The following MBTPS2 variants were observed in gnomAD, a reference collection of about 807,000 sequenced individuals.
MBTPS2 encodes the protein membrane bound transcription factor peptidase, site 2, also known as membrane-bound transcription factor site-2 protease.
In MBTPS2, 2 loss-of-function variants were observed where a neutral mutation model predicts 35.4. The observed-to-expected ratio is 0.06, with a 90% CI of 0.02 to 0.18. MBTPS2 has a LOEUF of 0.18. Among genes scored for constraint, MBTPS2 ranks in the 10% least tolerant of loss-of-function variants. MBTPS2 has a pLI of 1.00. For synonymous variants in MBTPS2, 125 were observed against 140.4 expected (o/e 0.89, Z 0.77); for missense variants, 244 against 386.5 (o/e 0.63, Z 3.09).
chrX:21,880,983 T>G lies in MBTPS2; in HGVS notation c.1337+11T>G. The G allele has an allele frequency of 8.7e-7, 1 of 1,155,909 alleles. No individual in the cohort carries two copies. Among genetic ancestry groups the G allele is most frequent in the East Asian group, 3.0e-5 (1 of 33,621 alleles). On this transcript the variant is annotated intron_variant, in intron 10 of 10. Transcript: ENST00000379484. ...GGAGACATTTGTCAAGTATCCTTTCTGGTGTGAAACATGTTTTAAAAGTGT... is the reference window on the plus strand; with the variant it reads ...GGAGACATTTGTCAAGTATCCTTTCGGGTGTGAAACATGTTTTAAAAGTGT...
At chrX:21,860,091 CAA>C (rs536679485) in intron 5 of MBTPS2, among the ~76,000 whole-genome samples, 296 of 62,970 alleles carry the variant, frequency 4.7e-3, no homozygotes, top group African/African-American at 0.015. Context: ...GACCTTGTGT[CAA>C]AAAAAAAAAA....
In MBTPS2 at chrX:21,845,354, G is replaced by A. The variant is rs148895141; in HGVS notation, c.408G>A (p.Ser136=). The part of the protein sequence containing the change: ...SSSSSSSSSS[S]LHNEQVLQVV... ...CTTCTTCATCTTCTTCCTCTTCCTCGCTTCACAATGAACAGGTGTTACAAG... is the reference window on the plus strand; with the variant it reads ...CTTCTTCATCTTCTTCCTCTTCCTCACTTCACAATGAACAGGTGTTACAAG... The change falls in exon 3 of 11, where the codon TCG becomes TCA. Residue 136 remains serine (S), a synonymous_variant. Transcript: ENST00000379484. 3.9e-4 allele frequency: 468 copies of A among 1,200,023 alleles called. 1 individual carries two copies. The highest frequency in any genetic ancestry group is 5.1e-4 in the Admixed American group (23 of 44,921).
intron 3 of MBTPS2, among the ~76,000 whole-genome samples, chrX:21,850,801 T>C (rs914871519): frequency 5.2e-4 from 58 of 112,025 alleles, no homozygotes; most frequent in African/African-American, 1.8e-3. Context: ...CTTCATATGT[T>C]TGTAACATGT....
At chrX:21,849,764 C>G (rs1421503472) in intron 3 of MBTPS2, among the ~76,000 whole-genome samples, 1 of 107,218 alleles carries the variant, frequency 9.3e-6, no homozygotes, top group Non-Finnish European at 1.9e-5. Context: ...CAGTGGCTCA[C>G]GCTTGTAATC....
intron 4 of MBTPS2, among the ~76,000 whole-genome samples, chrX:21,852,909 G>C (rs755398723): frequency 9.1e-6 from 1 of 109,925 alleles, no homozygotes; most frequent in East Asian, 2.8e-4. Flanking sequence ...AGCTTGATAG[G>C]AATACACCTA....
At chrX:21,862,965 TATAA>T (rs2092934681) in intron 5 of MBTPS2, among the ~76,000 whole-genome samples, 1 of 55,824 alleles carries the variant, frequency 1.8e-5, no homozygotes, top group African/African-American at 7.4e-5. Context: ...TATATATATA[TATAA>T]AACCGACTGG....
At chrX:21,845,716 T>C (rs982502088) in intron 3 of MBTPS2, among the ~76,000 whole-genome samples, 3 of 112,555 alleles carry the variant, frequency 2.7e-5, no homozygotes, top group Non-Finnish European at 5.6e-5. Flanking sequence ...ATCTCTATAA[T>C]GTATAAGTAA....
At chrX:21,853,563 T>C in intron 5 of MBTPS2, 60 bp downstream of exon 5, 1 of 1,091,555 alleles carries the variant, frequency 9.2e-7, no homozygotes, top group South Asian at 1.9e-5. Context: ...TTTTCTATGG[T>C]TAGTGCTTTT....
chrX:21,865,713 T>C (rs2092938802), intron 5 of MBTPS2, among the ~76,000 whole-genome samples: 1 of 112,602 alleles, frequency 8.9e-6, no homozygotes, highest in Admixed American at 9.4e-5. Flanking sequence ...TCAAGGAATA[T>C]TGAGTTGTTA....
chrX:21,856,168 C>T, intron 5 of MBTPS2: 1 of 276,127 alleles, frequency 3.6e-6, no homozygotes, highest in Non-Finnish European at 6.4e-6. Flanking sequence ...GGCAAACGTA[C>T]GCGGGCACGT....
At chrX:21,870,839 T>G (rs778624008) in intron 7 of MBTPS2, 1 of 70,840 alleles carries the variant, frequency 1.4e-5, no homozygotes, top group East Asian at 4.3e-4. Context: ...AGCTTCCCAA[T>G]TCTTTATACA....
At chrX:21,865,835 A>G (rs1309067942) in intron 5 of MBTPS2, among the ~76,000 whole-genome samples, 1 of 112,528 alleles carries the variant, frequency 8.9e-6, no homozygotes, top group African/African-American at 3.2e-5. Context: ...AAGCATAAGT[A>G]GGGCTTGATT....
intron 5 of MBTPS2, among the ~76,000 whole-genome samples, chrX:21,859,233 ATAAG>A (rs2147440301): frequency 9.1e-6 from 1 of 110,323 alleles, no homozygotes; most frequent in East Asian, 2.8e-4. Flanking sequence ...AATATGCTTA[ATAAG>A]TCTATGTATG....
chrX:21,869,893 A>G, intron 7 of MBTPS2: 2 of 379,352 alleles, frequency 5.3e-6, no homozygotes, highest in Admixed American at 8.9e-5. Context: ...AACTATTTTC[A>G]TTATATCATA....
At chrX:21,882,091 A>G (rs1382440093) in intron 10 of MBTPS2, among the ~76,000 whole-genome samples, 1 of 112,101 alleles carries the variant, frequency 8.9e-6, no homozygotes, top group Non-Finnish European at 1.9e-5. Flanking sequence ...TAAGGCCCAA[A>G]GAGTAATTTT....
chrX:21,851,598 G>A lies in MBTPS2; in HGVS notation c.528G>A (p.Gly176=). The A allele has an allele frequency of 8.5e-7, 1 of 1,177,351 alleles. No homozygotes were observed. The highest frequency in any genetic ancestry group is 1.2e-6 in the Non-Finnish European group (1 of 864,399). ...ISGVVHEIGH[G]IAAIREQVRF... ...GTGTTGTACATGAAATTGGACATGG[G>A]ATAGCAGCTATTAGGTAATGATATT... is the stretch of plus-strand genomic sequence containing the variant. The change falls in exon 4 of 11, where the codon GGG becomes GGA. Residue 176 remains glycine, a synonymous_variant. Coordinates refer to ENST00000379484, the MANE Select transcript of MBTPS2 (RefSeq NM_015884.4).
chrX:21,839,692 G>C lies in MBTPS2; in HGVS notation c.-43G>C, dbSNP rs1393218291. Reference sequence around the variant, plus strand: ...TCAGCTGTTGGCGGTGCAGGGAGGAGGACGCCGGGGCTCGCCTTCCCTCCT... The same window carrying C: ...TCAGCTGTTGGCGGTGCAGGGAGGACGACGCCGGGGCTCGCCTTCCCTCCT... On this transcript the variant is annotated 5_prime_UTR_variant, in exon 1 of 11. Coordinates refer to ENST00000379484, the MANE Select transcript of MBTPS2 (RefSeq NM_015884.4). 9 of 1,154,320 alleles carry C rather than the reference G, an allele frequency of 7.8e-6. No homozygotes were observed. Among genetic ancestry groups the C allele is most frequent in the Non-Finnish European group, 1.0e-5 (9 of 860,793 alleles).
chrX:21,846,462 G>A (rs939759259), intron 3 of MBTPS2, among the ~76,000 whole-genome samples: 4 of 111,897 alleles, frequency 3.6e-5, no homozygotes, highest in African/African-American at 9.7e-5. Context: ...CCTCCGCCTC[G>A]CGGGTTCGAG....
chrX:21,862,122 C>G (rs1461233325), intron 5 of MBTPS2, among the ~76,000 whole-genome samples: 4 of 111,498 alleles, frequency 3.6e-5, no homozygotes. Flanking sequence ...AGCTACATTA[C>G]AGCCCACAGT....
Sources: gnomAD v4.1 joint callset for allele counts (sites outside exome capture counted in the v4.1 genomes callset) on GRCh38, gnomAD v4.1.1 for gene constraint, MANE v1.5 for transcripts, NCBI Gene and HGNC (gene_info 2026-07-23, HGNC 2026-07-21) for gene names.